TAFA1: variants seen among roughly 807,000 people sequenced by gnomAD.
The protein encoded by TAFA1 is chemokine-like protein TAFA-1.
Under a neutral mutation model 18.5 loss-of-function variants are expected in TAFA1, and 4 were observed. The ratio of observed to expected loss-of-function variants is 0.22; its 90% CI spans 0.11 to 0.49. The LOEUF is 0.49. TAFA1 is among the 20% of genes least tolerant of loss of function. The pLI is 0.98. For synonymous variants in TAFA1, 56 were observed against 55.2 expected (o/e 1.01, Z -0.06); for missense variants, 147 against 169.0 (o/e 0.87, Z 0.72).
intron 2 of TAFA1, among the ~76,000 whole-genome samples, chr3:68,142,892 G>A (rs2065686128): frequency 6.9e-6 from 1 of 144,706 alleles, no homozygotes; most frequent in South Asian, 2.3e-4. Context: ...TTTTCACTTT[G>A]TGACTCACGT....
At chr3:68,161,109 T>C (rs1559542598) in intron 2 of TAFA1, among the ~76,000 whole-genome samples, 1 of 152,224 alleles carries the variant, frequency 6.6e-6, no homozygotes. Flanking sequence ...GATAATACTT[T>C]GATGTCAACA....
At chr3:68,526,113 G>A (rs1406238496) in intron 3 of TAFA1, among the ~76,000 whole-genome samples, 1 of 152,178 alleles carries the variant, frequency 6.6e-6, no homozygotes, top group African/African-American at 2.4e-5. Flanking sequence ...GTATCAATTT[G>A]TATAGATCTG....
chr3:68,518,398 A>G (rs1344113051), intron 3 of TAFA1, among the ~76,000 whole-genome samples: 1 of 152,198 alleles, frequency 6.6e-6, no homozygotes, highest in Admixed American at 6.5e-5. Context: ...CATTGATTGC[A>G]ATTAAATAGT....
At chr3:68,506,987 G>C (rs984697115) in intron 3 of TAFA1, among the ~76,000 whole-genome samples, 1 of 152,024 alleles carries the variant, frequency 6.6e-6, no homozygotes, top group Non-Finnish European at 1.5e-5. Context: ...GAAGGTCTTC[G>C]ATATTTTAAG....
intron 2 of TAFA1, among the ~76,000 whole-genome samples, chr3:68,245,733 G>T (rs920595258): frequency 6.6e-6 from 1 of 152,200 alleles, no homozygotes; most frequent in Non-Finnish European, 1.5e-5. Flanking sequence ...ATGACCTTGA[G>T]CAGCTTCTAA....
At chr3:68,387,494 T>C (rs182695032) in intron 2 of TAFA1, among the ~76,000 whole-genome samples, 9 of 152,318 alleles carry the variant, frequency 5.9e-5, no homozygotes, top group Admixed American at 4.6e-4. Flanking sequence ...GGAAATGTTG[T>C]ATCTCAACAG....
chr3:68,428,692 T>G lies in TAFA1; in HGVS notation c.259+11272T>G, dbSNP rs1352277254. ...ATCTGATATTACTTGGTATTTTCAT[T>G]ATTGCATCATTTTAATAATTGAGGG... On this transcript the variant is annotated intron_variant, in intron 3 of 4. Coordinates refer to ENST00000478136, the MANE Select transcript of TAFA1 (RefSeq NM_213609.4). 2.0e-5 allele frequency among the ~76,000 whole-genome samples: 3 copies of G among 152,108 alleles called. No homozygotes were observed. In the East Asian group the frequency reaches 5.8e-4, roughly 29 times the overall value.
At chr3:68,522,444 G>A (rs1236993423) in intron 3 of TAFA1, among the ~76,000 whole-genome samples, 1 of 152,166 alleles carries the variant, frequency 6.6e-6, no homozygotes, top group African/African-American at 2.4e-5. Flanking sequence ...GGAGCTAGAT[G>A]GCCATTCCGA....
rs997596755 is a variant in TAFA1, at chr3:68,502,306, C to T, written c.260-36450C>T. Among the ~76,000 whole-genome samples, 4 of 151,984 alleles carry T rather than the reference C, an allele frequency of 2.6e-5. No homozygotes were observed. In the East Asian group the frequency reaches 5.8e-4, roughly 22 times the overall value. Reference sequence around the variant, plus strand: ...TTATAATTACTCTTTTTATTGCTTACTCAGAAAATTAAATTTGAGCCTTCT... The same window carrying T: ...TTATAATTACTCTTTTTATTGCTTATTCAGAAAATTAAATTTGAGCCTTCT... On this transcript the variant is annotated intron_variant, in intron 3 of 4. Coordinates refer to ENST00000478136, the MANE Select transcript of TAFA1 (RefSeq NM_213609.4).
rs1027599902 is a variant in TAFA1, at chr3:68,331,380, C to T, written c.119-85900C>T. Among the ~76,000 whole-genome samples the T allele has an allele frequency of 1.1e-4, 16 of 152,140 alleles. No individual in the cohort carries two copies. In the East Asian group the frequency reaches 2.9e-3, roughly 28 times the overall value. ...CTAGATAGTGGTGATGGTTTTGCAT[C>T]ACTGTGAATGTACTAAATGCCACTA... On this transcript the variant is annotated intron_variant, in intron 2 of 4. Coordinates refer to ENST00000478136, the MANE Select transcript of TAFA1 (RefSeq NM_213609.4).
At chr3:68,216,230 A>G (rs922148181) in intron 2 of TAFA1, among the ~76,000 whole-genome samples, 3 of 152,036 alleles carry the variant, frequency 2.0e-5, no homozygotes, top group Non-Finnish European at 4.4e-5. Context: ...CGATAGTCTA[A>G]TTGTGGACAT....
At chr3:68,006,529 A>G (rs1308726679) in intron 1 of TAFA1, 95 bp from the exon 2 acceptor site, 2 of 792,542 alleles carry the variant, frequency 2.5e-6, no homozygotes, top group Middle Eastern at 2.8e-4. Context: ...GCAAAGGAAC[A>G]TGACGTCTGA....
chr3:68,433,411 G>A (rs1342651652), intron 3 of TAFA1, among the ~76,000 whole-genome samples: 2 of 151,988 alleles, frequency 1.3e-5, no homozygotes, highest in Non-Finnish European at 2.9e-5. Flanking sequence ...ATCATACACA[G>A]CCTCCAAAAA....
At chr3:68,183,996 G>C (rs1263174216) in intron 2 of TAFA1, among the ~76,000 whole-genome samples, 1 of 152,042 alleles carries the variant, frequency 6.6e-6, no homozygotes, top group African/African-American at 2.4e-5. Flanking sequence ...CCTTCATTAC[G>C]ATTTAATGTA....
chr3:68,272,105 C>T (rs1274260795), intron 2 of TAFA1, among the ~76,000 whole-genome samples: 1 of 152,178 alleles, frequency 6.6e-6, no homozygotes, highest in Non-Finnish European at 1.5e-5. Flanking sequence ...CAGTTGCTTT[C>T]TGCCAAAGAT....
intron 3 of TAFA1, among the ~76,000 whole-genome samples, chr3:68,502,601 G>A (rs555103266): frequency 1.5e-5 from 2 of 130,656 alleles, no homozygotes; most frequent in African/African-American, 5.9e-5. Flanking sequence ...AGAAATTAGA[G>A]TTATTTCAGA....
chr3:68,331,999 G>A (rs1236630902), intron 2 of TAFA1, among the ~76,000 whole-genome samples: 1 of 151,442 alleles, frequency 6.6e-6, no homozygotes, highest in Non-Finnish European at 1.5e-5. Flanking sequence ...GAGTAGCTGG[G>A]ACTACAGGTG....
intron 2 of TAFA1, among the ~76,000 whole-genome samples, chr3:68,166,712 G>A (rs1183297689): frequency 6.6e-6 from 1 of 152,122 alleles, no homozygotes; most frequent in East Asian, 1.9e-4. Flanking sequence ...GGACGGGAAG[G>A]GAACATTTTC....
chr3:68,260,334 G>C (rs548184360), intron 2 of TAFA1, among the ~76,000 whole-genome samples: 1 of 152,028 alleles, frequency 6.6e-6, no homozygotes, highest in Non-Finnish European at 1.5e-5. Flanking sequence ...GCTGAATTTG[G>C]TTTGCCAGTA....
Sources: allele counts gnomAD v4.1 joint callset (sites outside exome capture counted in the v4.1 genomes callset), GRCh38; gene constraint gnomAD v4.1.1; transcripts MANE v1.5; gene names NCBI Gene and HGNC (gene_info 2026-07-23, HGNC 2026-07-21).